VPS13A: variants seen among roughly 807,000 people sequenced by gnomAD.
The protein encoded by VPS13A is vacuolar protein sorting 13 homolog A, also known as intermembrane lipid transfer protein VPS13A.
A neutral mutation model predicts 390.9 loss-of-function variants in VPS13A; 264 were observed. That is an observed-to-expected ratio of 0.68 (90% CI 0.61 to 0.75). The LOEUF is 0.75. Ranked by LOEUF, VPS13A falls within the 30% of genes least tolerant of loss-of-function variation. The probability of loss-of-function intolerance (pLI) is 0.00; values close to 1 mark genes in which losing one functional copy is unlikely to be tolerated. For synonymous variants in VPS13A, 1,231 were observed against 1,227.1 expected (o/e 1.00, Z -0.07); for missense variants, 3,409 against 3,733.9 (o/e 0.91, Z 2.27).
rs139115188 is a variant in VPS13A, at chr9:77,339,827, C to T, written c.6690C>T (p.Asp2230=). 1,310 of 1,613,922 alleles carry T rather than the reference C, an allele frequency of 8.1e-4. No homozygotes were observed. Among genetic ancestry groups the T allele is most frequent in the Non-Finnish European group, 8.3e-4 (974 of 1,179,934 alleles). The change falls in exon 48 of 72, where the codon GAC becomes GAT. Residue 2230 remains aspartate, a synonymous_variant. Coordinates refer to ENST00000360280, the MANE Select transcript of VPS13A (RefSeq NM_033305.3). ...KTGRMLQYKA[D]GIHRKHPPNY... is the part of the protein sequence containing the mutation. ...GCCGCATGTTACAGTACAAAGCAGA[C>T]GGAATTCATCGAAAGCATCCACCTA...
chr9:77,256,111 T>C (rs1419395668), intron 22 of VPS13A, among the ~76,000 whole-genome samples: 7 of 152,096 alleles, frequency 4.6e-5, no homozygotes. Context: ...CTTTCTTCTT[T>C]ATTAATGTAG....
Position 77,317,649 on chromosome 9 carries a change from G to C in VPS13A, c.4907G>C (p.Gly1636Ala). The change falls in exon 40 of 72, where the codon GGT becomes GCT. Residue 1636 changes from glycine to alanine, a missense_variant. Transcript: ENST00000360280. Reference protein sequence around the residue: ...CDLFYQTTQKGTDPQVIDMSV... With the variant: ...CDLFYQTTQKATDPQVIDMSV... Reference sequence around the variant, plus strand: ...TTGTTTTATCAAACTACTCAGAAAGGTACAGATCCACAAGTGATCGATATG... The same window carrying C: ...TTGTTTTATCAAACTACTCAGAAAGCTACAGATCCACAAGTGATCGATATG... The C allele has an allele frequency of 6.2e-7, 1 of 1,603,188 alleles. No homozygotes were observed. The highest frequency in any genetic ancestry group is 1.1e-5 in the South Asian group (1 of 89,336).
intron 1 of VPS13A, among the ~76,000 whole-genome samples, chr9:77,182,290 C>T (rs756951130): frequency 9.9e-5 from 15 of 152,116 alleles, no homozygotes; most frequent in Middle Eastern, 3.2e-3. Context: ...GACGGCATTT[C>T]ACCACGTCAA....
At chr9:77,225,033 A>G (rs1257441433) in intron 13 of VPS13A, among the ~76,000 whole-genome samples, 3 of 152,194 alleles carry the variant, frequency 2.0e-5, no homozygotes, top group Admixed American at 2.0e-4. Flanking sequence ...GCAATGAAGT[A>G]TTTTAAAATT....
At chr9:77,337,627 T>A (rs1317031993) in intron 47 of VPS13A, 90 bp downstream of exon 47, 7 of 1,358,038 alleles carry the variant, frequency 5.2e-6, no homozygotes, top group Non-Finnish European at 7.1e-6. Context: ...ATTTTAAAGA[T>A]CTAATAAAAA....
At chr9:77,340,613 C>G in intron 50 of VPS13A, 63 bp downstream of exon 50, 1 of 1,583,306 alleles carries the variant, frequency 6.3e-7, no homozygotes, top group Non-Finnish European at 8.7e-7. Context: ...AAGTTAGATA[C>G]CTAAAGTCAC....
At chr9:77,341,665 G>T (rs1830818614) in intron 50 of VPS13A, among the ~76,000 whole-genome samples, 1 of 105,170 alleles carries the variant, frequency 9.5e-6, no homozygotes, top group African/African-American at 3.6e-5. Context: ...GCTTCATTCT[G>T]AGTAAGTTCT....
At chr9:77,187,266 C>T (rs1000292494) in intron 1 of VPS13A, among the ~76,000 whole-genome samples, 1 of 152,172 alleles carries the variant, frequency 6.6e-6, no homozygotes, top group Non-Finnish European at 1.5e-5. Flanking sequence ...ATTACTGGAT[C>T]ATATAGTAAT....
At chr9:77,242,598 T>C (rs1460255716) in intron 19 of VPS13A, among the ~76,000 whole-genome samples, 1 of 152,060 alleles carries the variant, frequency 6.6e-6, no homozygotes, top group Non-Finnish European at 1.5e-5. Flanking sequence ...ATTCTGTATA[T>C]TGGTATATTA....
At chr9:77,273,619 G>A (rs1826479409) in intron 24 of VPS13A, among the ~76,000 whole-genome samples, 2 of 152,218 alleles carry the variant, frequency 1.3e-5, no homozygotes, top group South Asian at 4.1e-4. Context: ...TAAAATTTGG[G>A]TTTATATACC....
chr9:77,345,838 G>A (rs187681238), intron 52 of VPS13A, among the ~76,000 whole-genome samples: 1 of 152,080 alleles, frequency 6.6e-6, no homozygotes, highest in Non-Finnish European at 1.5e-5. Context: ...CAGACATTGA[G>A]TAGGGACCAC....
Position 77,278,826 on chromosome 9 carries a change from C to T in VPS13A, c.2825-1333C>T, listed in dbSNP as rs146471997. ...ATAAATTCTCTTCTACACTGGTTTT[C>T]TTAGTATAGCACATTTTGAGCAGAA... On this transcript the variant is annotated intron_variant, in intron 26 of 71. Transcript: ENST00000360280. 4.2e-3 allele frequency among the ~76,000 whole-genome samples: 632 copies of T among 152,244 alleles called. 6 individuals carry two copies. Among genetic ancestry groups the T allele is most frequent in the African/African-American group, 0.014 (598 of 41,552 alleles).
At position 77,185,901 on chromosome 9, in the gene VPS13A, C is replaced by T. The variant is rs117445256; in HGVS notation, c.100+8097C>T. On this transcript the variant is annotated intron_variant, in intron 1 of 71. Coordinates refer to ENST00000360280, the MANE Select transcript of VPS13A (RefSeq NM_033305.3). ...CAGCATTTTGGGGGACTGAGGCTGGCGGATCATTTAAGGTTAAGAGTACGA... is the reference window on the plus strand; with the variant it reads ...CAGCATTTTGGGGGACTGAGGCTGGTGGATCATTTAAGGTTAAGAGTACGA... Among the ~76,000 whole-genome samples, 1,289 of 152,190 alleles carry T rather than the reference C, an allele frequency of 8.5e-3. 10 individuals are homozygous for T. The highest frequency in any genetic ancestry group is 0.014 in the South Asian group (66 of 4,816).
intron 71 of VPS13A, among the ~76,000 whole-genome samples, chr9:77,409,381 A>T (rs1375264108): frequency 6.6e-6 from 1 of 152,226 alleles, no homozygotes; most frequent in African/African-American, 2.4e-5. Flanking sequence ...AAACTCTAAA[A>T]ATCAGAGTAC....
intron 27 of VPS13A, among the ~76,000 whole-genome samples, chr9:77,281,002 A>G (rs1826991565): frequency 6.6e-6 from 1 of 152,188 alleles, no homozygotes; most frequent in East Asian, 1.9e-4. Context: ...AATGTGGAGG[A>G]CATTATGCTA....
chr9:77,381,904 A>T, intron 67 of VPS13A, 72 bp from the exon 68 acceptor site: 1 of 931,988 alleles, frequency 1.1e-6, no homozygotes, highest in Non-Finnish European at 1.7e-6. Flanking sequence ...TGTTTTTAGT[A>T]ATTGCATTTT....
chr9:77,337,400 A>G lies in VPS13A; in HGVS notation c.6241A>G (p.Ile2081Val). 2.5e-6 allele frequency: 4 copies of G among 1,612,934 alleles called. No individual in the cohort carries two copies. Among genetic ancestry groups the G allele is most frequent in the Non-Finnish European group, 3.4e-6 (4 of 1,179,074 alleles). Reference sequence around the variant, plus strand: ...TTCTAAGGAATCATTTCTCATTAATATTGTTCCAGAAAAAGATAATTTAAC... The same window carrying G: ...TTCTAAGGAATCATTTCTCATTAATGTTGTTCCAGAAAAAGATAATTTAAC... ...NPSKESFLIN[I>V]VPEKDNLTSL... Residue 2081 changes from isoleucine (I) to valine (V), a missense_variant, in exon 47 of 72, where the codon ATT becomes GTT. Ile to Val is a conservative substitution (Grantham distance 29). This residue lies in a region of VPS13A where 2,717 missense variants were observed against 2,917.4 expected (regional missense o/e 0.93). Coordinates refer to ENST00000360280, the MANE Select transcript of VPS13A (RefSeq NM_033305.3).
chr9:77,240,310 C>T (rs978699766), intron 19 of VPS13A, among the ~76,000 whole-genome samples: 12 of 151,602 alleles, frequency 7.9e-5, no homozygotes, highest in African/African-American at 2.7e-4. Flanking sequence ...TGGTCTCAAA[C>T]TCCTGACCTC....
At chr9:77,328,063 A>C (rs1279173510) in intron 45 of VPS13A, among the ~76,000 whole-genome samples, 2 of 152,204 alleles carry the variant, frequency 1.3e-5, no homozygotes, top group Non-Finnish European at 2.9e-5. Context: ...TATTTAAGTC[A>C]AATATACAAT....
Sources: allele counts gnomAD v4.1 joint callset (sites outside exome capture counted in the v4.1 genomes callset), GRCh38; gene constraint gnomAD v4.1.1; regional missense constraint gnomAD v4.1.1; transcripts MANE v1.5; gene names NCBI Gene and HGNC (gene_info 2026-07-23, HGNC 2026-07-21).